SMC5: variants seen among roughly 807,000 people sequenced by gnomAD.
The protein encoded by SMC5 is structural maintenance of chromosomes protein 5.
Under a neutral mutation model 148.3 loss-of-function variants are expected in SMC5, and 88 were observed. That is an observed-to-expected ratio of 0.59 (90% CI 0.50 to 0.71). SMC5 has a LOEUF of 0.71. SMC5 is among the 30% of genes least tolerant of loss of function. SMC5 has a pLI of 0.00. For synonymous variants in SMC5, 421 were observed against 432.8 expected (o/e 0.97, Z 0.34); for missense variants, 1,142 against 1,298.9 (o/e 0.88, Z 1.86).
At chr9:70,319,522 A>G (rs2035894621) in intron 15 of SMC5, among the ~76,000 whole-genome samples, 1 of 152,200 alleles carries the variant, frequency 6.6e-6, no homozygotes, top group African/African-American at 2.4e-5. Context: ...GTTGAAGTAT[A>G]TGAAGGAAAT....
chr9:70,346,147 G>C (rs916397024), intron 18 of SMC5, among the ~76,000 whole-genome samples: 5 of 152,172 alleles, frequency 3.3e-5, no homozygotes, highest in African/African-American at 1.2e-4. Context: ...TTAAATTTAA[G>C]ATGCCTATTA....
In SMC5 at chr9:70,259,159, G is replaced by A. The variant is rs781406957; in HGVS notation, c.81G>A (p.Glu27=). ...CTCTCCCGAGAGACCCTTCGTCGGA[G>A]GTCCCGAGCAAGAGGAAGAATTCGG... The part of the protein sequence containing the change: ...KRALPRDPSS[E]VPSKRKNSAP... Residue 27 remains glutamate, a synonymous_variant, in exon 1 of 25, where the codon GAG becomes GAA. Transcript: ENST00000361138. The A allele has an allele frequency of 1.2e-6, 2 of 1,612,226 alleles. No homozygotes were observed. The highest frequency in any genetic ancestry group is 2.2e-5 in the East Asian group (1 of 44,840).
intron 11 of SMC5, among the ~76,000 whole-genome samples, chr9:70,312,352 A>G (rs754409356): frequency 3.3e-5 from 5 of 152,108 alleles, no homozygotes; most frequent in Non-Finnish European, 7.4e-5. Flanking sequence ...AGAACTCACT[A>G]TCACGAAACA....
intron 11 of SMC5, among the ~76,000 whole-genome samples, chr9:70,306,736 C>T (rs1329964500): frequency 6.6e-6 from 1 of 152,202 alleles, no homozygotes; most frequent in African/African-American, 2.4e-5. Flanking sequence ...AATATAGATT[C>T]CTGATCATTT....
intron 3 of SMC5, among the ~76,000 whole-genome samples, chr9:70,272,419 T>C (rs2034476093): frequency 6.6e-6 from 1 of 152,154 alleles, no homozygotes; most frequent in Admixed American, 6.5e-5. Context: ...AGATGCCTAG[T>C]AGATACTCAG....
At chr9:70,325,181 C>T (rs1385214470) in intron 17 of SMC5, among the ~76,000 whole-genome samples, 3 of 152,152 alleles carry the variant, frequency 2.0e-5, no homozygotes, top group Admixed American at 2.0e-4. Context: ...CATTTTCTAT[C>T]CCCATCCTGA....
intron 2 of SMC5, among the ~76,000 whole-genome samples, chr9:70,265,036 A>G (rs557673113): frequency 6.6e-6 from 1 of 152,340 alleles, no homozygotes; most frequent in East Asian, 1.9e-4. Context: ...TGTAAAAGAT[A>G]AAAATGGTAC....
chr9:70,325,167 G>C (rs1340093569), intron 17 of SMC5, among the ~76,000 whole-genome samples: 1 of 152,156 alleles, frequency 6.6e-6, no homozygotes, highest in Non-Finnish European at 1.5e-5. Context: ...GTTGATCTTT[G>C]TGGCATTTTC....
At chr9:70,266,336 G>A (rs551205894) in intron 2 of SMC5, among the ~76,000 whole-genome samples, 1 of 152,120 alleles carries the variant, frequency 6.6e-6, no homozygotes, top group Admixed American at 6.5e-5. Flanking sequence ...TTGTGACCTT[G>A]AGCAATTATC....
At chr9:70,289,194 C>A (rs1463874310) in intron 8 of SMC5, among the ~76,000 whole-genome samples, 2 of 152,050 alleles carry the variant, frequency 1.3e-5, no homozygotes, top group Non-Finnish European at 2.9e-5. Context: ...TGCACCACCA[C>A]GCCTGGCTAA....
intron 22 of SMC5, among the ~76,000 whole-genome samples, chr9:70,349,363 G>A (rs1230701531): frequency 6.6e-6 from 1 of 152,022 alleles, no homozygotes; most frequent in Non-Finnish European, 1.5e-5. Flanking sequence ...CACCACACCC[G>A]GCCTAATTAG....
At chr9:70,347,399 A>G (rs1183439564) in intron 20 of SMC5, among the ~76,000 whole-genome samples, 1 of 152,230 alleles carries the variant, frequency 6.6e-6, no homozygotes, top group Non-Finnish European at 1.5e-5. Flanking sequence ...TTCTTTATAA[A>G]AAGAATAGTT....
At chr9:70,286,034 T>C (rs1455016930) in intron 7 of SMC5, among the ~76,000 whole-genome samples, 166 bp from the exon 8 acceptor site, 1 of 152,218 alleles carries the variant, frequency 6.6e-6, no homozygotes, top group Non-Finnish European at 1.5e-5. Context: ...AGGAATAACC[T>C]TTTATAGACT....
At chr9:70,316,736 A>G (rs964226014) in intron 13 of SMC5, among the ~76,000 whole-genome samples, 9 of 152,064 alleles carry the variant, frequency 5.9e-5, no homozygotes, top group Non-Finnish European at 5.9e-5. Flanking sequence ...GAAAGGAGCA[A>G]TTACTTCATT....
intron 14 of SMC5, 33 bp from the exon 15 acceptor site, chr9:70,318,761 T>A (rs1466607295): frequency 1.5e-5 from 24 of 1,550,004 alleles, no homozygotes; most frequent in Non-Finnish European, 1.8e-5. Context: ...AACAGTTTTT[T>A]AAATATGTTA....
chr9:70,304,569 C>A (rs1023330922), intron 10 of SMC5, among the ~76,000 whole-genome samples: 1 of 152,118 alleles, frequency 6.6e-6, no homozygotes, highest in Non-Finnish European at 1.5e-5. Context: ...TGCCTGTAGT[C>A]CCAGCTACTC....
intron 2 of SMC5, among the ~76,000 whole-genome samples, chr9:70,267,250 C>T (rs906418629): frequency 6.6e-6 from 1 of 151,806 alleles, no homozygotes; most frequent in Non-Finnish European, 1.5e-5. Flanking sequence ...TATTTTCTAC[C>T]TTTTTTAATA....
At chr9:70,336,892 G>A (rs1399055482) in intron 17 of SMC5, among the ~76,000 whole-genome samples, 5 of 152,180 alleles carry the variant, frequency 3.3e-5, no homozygotes, top group African/African-American at 1.2e-4. Context: ...AAAAGAAAGA[G>A]GTTTAATGGA....
At chr9:70,285,417 A>T (rs1587641491) in intron 7 of SMC5, among the ~76,000 whole-genome samples, 1 of 152,226 alleles carries the variant, frequency 6.6e-6, no homozygotes, top group Non-Finnish European at 1.5e-5. Context: ...CTCAGCACCC[A>T]AGGTTTTTAT....
Sources: allele counts gnomAD v4.1 joint callset (sites outside exome capture counted in the v4.1 genomes callset), GRCh38; gene constraint gnomAD v4.1.1; transcripts MANE v1.5; gene names NCBI Gene and HGNC (gene_info 2026-07-23, HGNC 2026-07-21).